The following C1orf21 variants were observed in gnomAD, a reference collection of about 807,000 sequenced individuals.
The protein encoded by C1orf21 is chromosome 1 open reading frame 21.
Under a neutral mutation model 18.7 loss-of-function variants are expected in C1orf21, and 3 were observed. That is an observed-to-expected ratio of 0.16 (90% CI 0.07 to 0.42). C1orf21 has a LOEUF of 0.42. Among genes scored for constraint, C1orf21 ranks in the 10% least tolerant of loss-of-function variants. C1orf21 has a pLI of 0.99. For missense variants in C1orf21, 104 were observed against 143.6 expected (o/e 0.72, Z 1.41); for synonymous variants, 41 against 46.4 (o/e 0.88, Z 0.47).
At chr1:184,579,471 C>T (rs1317215972) in intron 3 of C1orf21, among the ~76,000 whole-genome samples, 3 of 144,240 alleles carry the variant, frequency 2.1e-5, no homozygotes, top group South Asian at 4.5e-4. Flanking sequence ...CAATCTCCCA[C>T]CTCAGCATCC....
chr1:184,573,993 G>A (rs1659150000), intron 3 of C1orf21, among the ~76,000 whole-genome samples: 1 of 152,084 alleles, frequency 6.6e-6, no homozygotes, highest in Admixed American at 6.5e-5. Context: ...TCAGGAGTTT[G>A]AGACCAGCCT....
chr1:184,442,776 G>T (rs924363867), intron 1 of C1orf21, among the ~76,000 whole-genome samples: 1 of 152,028 alleles, frequency 6.6e-6, no homozygotes, highest in African/African-American at 2.4e-5. Flanking sequence ...GATACATTCT[G>T]TGCTGAATAA....
chr1:184,439,926 T>G (rs780829855), intron 1 of C1orf21, among the ~76,000 whole-genome samples: 4 of 152,226 alleles, frequency 2.6e-5, no homozygotes, highest in Non-Finnish European at 4.4e-5. Context: ...GGTTGTTAAT[T>G]TAGAAAAAAT....
At chr1:184,436,793 C>T (rs1571356880) in intron 1 of C1orf21, among the ~76,000 whole-genome samples, 1 of 152,104 alleles carries the variant, frequency 6.6e-6, no homozygotes, top group African/African-American at 2.4e-5. Flanking sequence ...GCAGACAAGG[C>T]AGGAGGTCCC....
At chr1:184,540,375 T>A (rs919435905) in intron 3 of C1orf21, among the ~76,000 whole-genome samples, 2 of 152,196 alleles carry the variant, frequency 1.3e-5, no homozygotes, top group Non-Finnish European at 2.9e-5. Flanking sequence ...ATTGACAGAC[T>A]TATGATACAT....
chr1:184,473,643 A>G (rs756546416), intron 1 of C1orf21, among the ~76,000 whole-genome samples: 11 of 152,200 alleles, frequency 7.2e-5, no homozygotes, highest in Admixed American at 2.0e-4. Flanking sequence ...CCTTGACATT[A>G]TATCAGGCTA....
intron 1 of C1orf21, among the ~76,000 whole-genome samples, chr1:184,414,572 C>G (rs1433999081): frequency 5.3e-5 from 8 of 151,680 alleles, no homozygotes; most frequent in Non-Finnish European, 8.8e-5. Flanking sequence ...ACTATGTAAA[C>G]CTGAACTAAG....
intron 3 of C1orf21, among the ~76,000 whole-genome samples, chr1:184,512,337 C>T (rs1658162656): frequency 6.6e-6 from 1 of 152,070 alleles, no homozygotes; most frequent in Non-Finnish European, 1.5e-5. Flanking sequence ...TCTTTTTGGC[C>T]TATAGTTAAG....
At chr1:184,463,511 T>G (rs1657340318) in intron 1 of C1orf21, among the ~76,000 whole-genome samples, 1 of 152,212 alleles carries the variant, frequency 6.6e-6, no homozygotes, top group African/African-American at 2.4e-5. Context: ...CTAATTTCCG[T>G]AGGTTTCTCA....
chr1:184,504,705 C>T (rs978809670), intron 2 of C1orf21, among the ~76,000 whole-genome samples: 2 of 152,070 alleles, frequency 1.3e-5, no homozygotes, highest in African/African-American at 2.4e-5. Context: ...GGATCTTGCC[C>T]AGCTTTTTTT....
intron 3 of C1orf21, among the ~76,000 whole-genome samples, chr1:184,535,226 T>C (rs1002448800): frequency 6.6e-6 from 1 of 152,146 alleles, no homozygotes; most frequent in Non-Finnish European, 1.5e-5. Context: ...TCGGGACAGC[T>C]GTGTAGGAGC....
At chr1:184,472,090 AGTGAAGCCCAGCAGATGGG>A (rs1657504796) in intron 1 of C1orf21, among the ~76,000 whole-genome samples, 2 of 152,158 alleles carry the variant, frequency 1.3e-5, no homozygotes, top group African/African-American at 2.4e-5. Flanking sequence ...CACTCATTAC[AGTGAAGCCCAGCAGATGGG>A]CAAACAGACT....
chr1:184,392,486 G>A (rs1276630094), intron 1 of C1orf21, among the ~76,000 whole-genome samples: 2 of 152,106 alleles, frequency 1.3e-5, no homozygotes, highest in South Asian at 2.1e-4. Flanking sequence ...TACGTATTGG[G>A]CACAATGTAC....
At chr1:184,517,455 T>G (rs1179722279) in intron 3 of C1orf21, among the ~76,000 whole-genome samples, 2 of 152,216 alleles carry the variant, frequency 1.3e-5, no homozygotes, top group Non-Finnish European at 2.9e-5. Flanking sequence ...GACCAACTAA[T>G]GCAAAAGACC....
intron 2 of C1orf21, among the ~76,000 whole-genome samples, chr1:184,485,986 T>C (rs1657727246): frequency 6.6e-6 from 1 of 152,194 alleles, no homozygotes; most frequent in African/African-American, 2.4e-5. Flanking sequence ...TAAGTCAAGA[T>C]AAGTGAGGAA....
At chr1:184,580,977 T>C (rs1209086133) in intron 3 of C1orf21, among the ~76,000 whole-genome samples, 1 of 152,170 alleles carries the variant, frequency 6.6e-6, no homozygotes, top group African/African-American at 2.4e-5. Context: ...TTTGGCCAAG[T>C]AAGTAGGAAC....
chr1:184,510,576 G>A (rs1658129097), intron 3 of C1orf21, among the ~76,000 whole-genome samples: 1 of 152,134 alleles, frequency 6.6e-6, no homozygotes, highest in Non-Finnish European at 1.5e-5. Flanking sequence ...CCAAGCAGAA[G>A]TAACAGGTGG....
chr1:184,550,805 G>T (rs1226737042), intron 3 of C1orf21, among the ~76,000 whole-genome samples: 1 of 152,116 alleles, frequency 6.6e-6, no homozygotes, highest in East Asian at 1.9e-4. Context: ...CCAAAATGCT[G>T]GGATTACAGG....
chr1:184,418,858 C>G (rs892604971), intron 1 of C1orf21, among the ~76,000 whole-genome samples: 1 of 152,280 alleles, frequency 6.6e-6, no homozygotes, highest in African/African-American at 2.4e-5. Context: ...GTTCCTGTTT[C>G]ACATTCTACT....
Sources: gnomAD v4.1 joint callset for allele counts (sites outside exome capture counted in the v4.1 genomes callset) on GRCh38, gnomAD v4.1.1 for gene constraint, MANE v1.5 for transcripts, NCBI Gene and HGNC (gene_info 2026-07-23, HGNC 2026-07-21) for gene names.